Variants in PHGDH observed in about 807,000 individuals in gnomAD.
The protein encoded by PHGDH is phosphoglycerate dehydrogenase.
A neutral mutation model predicts 52.6 loss-of-function variants in PHGDH; 50 were observed. The ratio of observed to expected loss-of-function variants is 0.95; its 90% CI spans 0.76 to 1.20. The LOEUF is 1.20. Ranked by LOEUF, PHGDH falls within the 50% of genes most tolerant of loss-of-function variation. The pLI, the probability that PHGDH is intolerant of heterozygous loss-of-function variation, is 0.00. For synonymous variants in PHGDH, 271 were observed against 280.5 expected (o/e 0.97, Z 0.34); for missense variants, 630 against 684.6 (o/e 0.92, Z 0.89).
In PHGDH at chr1:119,744,209, C is replaced by T. The variant is rs1473569816; in HGVS notation, c.*169C>T. 6 of 682,478 alleles carry T rather than the reference C, an allele frequency of 8.8e-6. No homozygotes were observed. The highest frequency in any genetic ancestry group is 4.5e-5 in the Admixed American group (2 of 44,092). 42.3% of individuals were successfully genotyped at this position (682,478 alleles called of 1,614,324 possible). The stretch of plus-strand genomic sequence containing the variant: ...CAATAACCGTCTAATAAAGAGCCTA[C>T]CCCCAACTCCTTCTGCACTTTTGTG... On this transcript the variant is annotated 3_prime_UTR_variant, in exon 12 of 12. Transcript: ENST00000641023.
chr1:119,735,167 C>A, intron 6 of PHGDH, 128 bp from the exon 7 acceptor site: 1 of 1,235,128 alleles, frequency 8.1e-7, no homozygotes, highest in Non-Finnish European at 1.2e-6. Context: ...AGCAAAGAGG[C>A]TGCCGTCCAG....
At position 119,740,030 on chromosome 1, in the gene PHGDH, G is replaced by A. The variant is rs1381254539; in HGVS notation, c.946-356G>A. 5 of 230,140 alleles carry A rather than the reference G, an allele frequency of 2.2e-5. No homozygotes were observed. In the East Asian group the frequency reaches 3.9e-4, roughly 18 times the overall value. The allele number at this position is 230,140 out of a possible 1,614,324, so 14.3% of individuals were successfully genotyped here. A position where few individuals can be genotyped will look rare whatever the true frequency, so the allele number is the denominator to read the frequency against. ...GTCACTCCTCATCCAAGTTATCTGC[G>A]ACTCCCATATGTTTTGTGTCAAAGA... On this transcript the variant is annotated intron_variant, in intron 8 of 11. Transcript: ENST00000641023.
At chr1:119,719,820 G>C (rs1651072898) in intron 1 of PHGDH, 2 of 152,214 alleles carry the variant, frequency 1.3e-5, no homozygotes, top group South Asian at 4.1e-4. Context: ...TCCATGCAGT[G>C]GGAATGAAGG....
At position 119,741,060 on chromosome 1, in the gene PHGDH, G is replaced by A. The variant is rs587629699; in HGVS notation, c.1078+542G>A. ...AGAGAGTTTGCTCAGCCGTGGAGTGGGAATGAGAACAGTGCCCTCTGACCA... is the reference window on the plus strand; with the variant it reads ...AGAGAGTTTGCTCAGCCGTGGAGTGAGAATGAGAACAGTGCCCTCTGACCA... On this transcript the variant is annotated intron_variant, in intron 9 of 11. Coordinates refer to ENST00000641023, the MANE Select transcript of PHGDH (RefSeq NM_006623.4). 4.6e-5 allele frequency among the ~76,000 whole-genome samples: 7 copies of A among 152,324 alleles called. No homozygotes were observed. In the South Asian group the frequency reaches 1.2e-3, roughly 27 times the overall value.
chr1:119,741,721 G>A, intron 9 of PHGDH, 46 bp from the exon 10 acceptor site: 1 of 1,595,576 alleles, frequency 6.3e-7, no homozygotes, highest in Non-Finnish European at 8.6e-7. Context: ...CCCTCCTGTA[G>A]TGCTCAACAA....
chr1:119,739,848 A>T (rs1652109355), intron 8 of PHGDH: 1 of 159,218 alleles, frequency 6.3e-6, no homozygotes, highest in Non-Finnish European at 1.4e-5. Flanking sequence ...GTGTCACAAC[A>T]TGCCTCACAG....
At chr1:119,735,216 G>A (rs768505810) in intron 6 of PHGDH, 79 bp from the exon 7 acceptor site, 6 of 1,587,080 alleles carry the variant, frequency 3.8e-6, no homozygotes, top group East Asian at 2.2e-5. Flanking sequence ...CTCAAGGAAA[G>A]GGAAGACCTC....
intron 5 of PHGDH, among the ~76,000 whole-genome samples, chr1:119,733,344 ATTT>A (rs772188898): frequency 8.6e-5 from 12 of 139,338 alleles, no homozygotes; most frequent in African/African-American, 3.3e-4. Flanking sequence ...ATTTTGTTTT[ATTT>A]TTTTTTTTTT....
At position 119,721,282 on chromosome 1, in the gene PHGDH, A is replaced by T; in HGVS notation, c.251A>T (p.Asp84Val). The change falls in exon 2 of 12, where the codon GAT (aspartate) becomes GTT (valine). Residue 84 changes from aspartate to valine, a missense_variant. Transcript: ENST00000641023. ...GCTGGCACAGGTGTGGACAATGTGG[A>T]TCTGGAGGCCGCAACAAGGAAGGGC... is the stretch of plus-strand genomic sequence containing the variant. ...GRAGTGVDNV[D>V]LEAATRKGIL... 1 of 1,614,104 alleles carries T rather than the reference A, an allele frequency of 6.2e-7. No individual in the cohort carries two copies.
At chr1:119,715,265 A>G (rs1650878101) in intron 1 of PHGDH, among the ~76,000 whole-genome samples, 1 of 152,242 alleles carries the variant, frequency 6.6e-6, no homozygotes, top group Non-Finnish European at 1.5e-5. Context: ...CCACTAAACT[A>G]AACACTGGTA....
rs1483108745 is a variant in PHGDH at position 119,723,407 on chromosome 1, G to C, written c.322G>C (p.Glu108Gln). ...CAATGGGAACAGCCTCAGTGCCGCA[G>C]AACTCACTTGTGGAATGATCATGTG... ...TPNGNSLSAAELTCGMIMCLA... is the reference protein window; with the variant it reads ...TPNGNSLSAAQLTCGMIMCLA... Residue 108 changes from glutamate (E) to glutamine (Q), a missense_variant, in exon 3 of 12, where the codon GAA (glutamate) becomes CAA (glutamine). Coordinates refer to ENST00000641023, the MANE Select transcript of PHGDH (RefSeq NM_006623.4). The C allele has an allele frequency of 6.8e-6, 11 of 1,613,888 alleles. No individual in the cohort carries two copies. Among genetic ancestry groups the C allele is most frequent in the African/African-American group, 1.3e-5 (1 of 74,900 alleles).
chr1:119,744,179 T>G lies in PHGDH; in HGVS notation c.*139T>G. On this transcript the variant is annotated 3_prime_UTR_variant, in exon 12 of 12. Transcript: ENST00000641023. ...CTTACACTGCACTCTGACCCTGTAG[T>G]ACAGCAATAACCGTCTAATAAAGAG... is the stretch of plus-strand genomic sequence containing the variant. 1.3e-6 allele frequency: 1 copy of G among 787,894 alleles called. No individual in the cohort carries two copies. Among genetic ancestry groups the G allele is most frequent in the Non-Finnish European group, 2.2e-6 (1 of 447,296 alleles). 48.8% of individuals were successfully genotyped at this position (787,894 alleles called of 1,614,324 possible).
chr1:119,741,923 T>A (rs1216185971), intron 10 of PHGDH, 26 bp downstream of exon 10: 4 of 1,597,794 alleles, frequency 2.5e-6, no homozygotes, highest in Non-Finnish European at 8.6e-7. Context: ...CCACGCTGCC[T>A]CCCCATCCCT....
Position 119,740,538 on chromosome 1 carries a change from G to T in PHGDH, c.1078+20G>T, listed in dbSNP as rs988452433. The T allele has an allele frequency of 1.9e-6, 3 of 1,547,024 alleles. No individual in the cohort carries two copies. The highest frequency in any genetic ancestry group is 2.7e-5 in the African/African-American group (2 of 73,128). On this transcript the variant is annotated intron_variant, in intron 9 of 11. Transcript: ENST00000641023. ...CACAGGGTGAGCTGGGGACCTTGCA[G>T]AGGGAGGGGGAGGAGGGGATGAGGG... is the stretch of plus-strand genomic sequence containing the variant.
At position 119,721,154 on chromosome 1, in the gene PHGDH, G is replaced by C; in HGVS notation, c.139-16G>C. On this transcript the variant is annotated splice_polypyrimidine_tract_variant and intron_variant, in intron 1 of 11. Coordinates refer to ENST00000641023, the MANE Select transcript of PHGDH (RefSeq NM_006623.4). ...ACAGAATGACTTTCTGGACCCAAAT[G>C]TTTTTTCTGCTTCAGGACTGTGAAG... is the stretch of plus-strand genomic sequence containing the variant. 1 of 1,613,950 alleles carries C rather than the reference G, an allele frequency of 6.2e-7. No homozygotes were observed.
chr1:119,733,528 G>T (rs931529270), intron 5 of PHGDH, among the ~76,000 whole-genome samples: 14 of 139,352 alleles, frequency 1.0e-4, no homozygotes, highest in South Asian at 9.6e-4. Flanking sequence ...AGGGGGGGGG[G>T]TCTGACTATG....
intron 6 of PHGDH, 88 bp from the exon 7 acceptor site, chr1:119,735,207 T>A: frequency 6.4e-7 from 1 of 1,566,594 alleles, no homozygotes; most frequent in South Asian, 1.1e-5. Context: ...AAGAGCTGGC[T>A]CAAGGAAAGG....
At chr1:119,721,362 T>C (rs1570991284) in intron 2 of PHGDH, 41 bp downstream of exon 2, 1 of 1,601,322 alleles carries the variant, frequency 6.2e-7, no homozygotes, top group African/African-American at 1.3e-5. Context: ...GGTAGGGGGG[T>C]GAGTGCGGAG....
At position 119,734,647 on chromosome 1, in the gene PHGDH, A is replaced by G. The variant is rs1018511219; in HGVS notation, c.524A>G (p.Asp175Gly). 1.2e-6 allele frequency: 2 copies of G among 1,613,940 alleles called. No individual in the cohort carries two copies. Among genetic ancestry groups the G allele is most frequent in the African/African-American group, 2.7e-5 (2 of 74,922 alleles). ...QSFGMKTIGY[D>G]PIISPEVSAS... ...GCTTCCAACCAGACTATAGGGTATG[A>G]CCCCATCATTTCCCCAGAGGTCTCG... is the stretch of plus-strand genomic sequence containing the variant. Residue 175 changes from aspartate (D) to glycine (G), a missense_variant, in exon 6 of 12, where the codon GAC becomes GGC. Transcript: ENST00000641023.
Sources: allele counts gnomAD v4.1 joint callset (sites outside exome capture counted in the v4.1 genomes callset), GRCh38; gene constraint gnomAD v4.1.1; transcripts MANE v1.5; gene names NCBI Gene and HGNC (gene_info 2026-07-23, HGNC 2026-07-21).